OSBPL9: variants seen among roughly 807,000 people sequenced by gnomAD.
OSBPL9 encodes oxysterol binding protein like 9.
A neutral mutation model predicts 106.6 loss-of-function variants in OSBPL9; 40 were observed. The ratio of observed to expected loss-of-function variants is 0.38; its 90% confidence interval spans 0.29 to 0.49. OSBPL9 has a LOEUF of 0.49. OSBPL9 is among the 20% of genes least tolerant of loss of function. The pLI is 0.97. For missense variants in OSBPL9, 609 were observed against 887.2 expected (o/e 0.69, Z 3.98); for synonymous variants, 269 against 295.4 (o/e 0.91, Z 0.92).
intron 17 of OSBPL9, 49 bp downstream of exon 17, chr1:51,782,692 C>CT: frequency 6.5e-7 from 1 of 1,541,368 alleles, no homozygotes; most frequent in Non-Finnish European, 8.9e-7. Flanking sequence ...ACTATTCTGT[C>CT]TAAAGAGGGT....
At chr1:51,740,336 A>C (rs1020304397) in intron 4 of OSBPL9, 68 of 1,177,274 alleles carry the variant, frequency 5.8e-5, no homozygotes, top group Non-Finnish European at 7.4e-5. Flanking sequence ...TATTTTAATC[A>C]AAATTACATT....
chr1:51,729,437 G>A lies in OSBPL9; in HGVS notation c.318+15358G>A, dbSNP rs1663766499. 1 of 152,382 alleles carries A rather than the reference G, an allele frequency of 6.6e-6. No homozygotes were observed. Among genetic ancestry groups the A allele is most frequent in the African/African-American group, 2.4e-5 (1 of 41,444 alleles). 9.4% of individuals were successfully genotyped at this position (152,382 alleles called of 1,614,324 possible). A position where few individuals can be genotyped will look rare whatever the true frequency, so the allele number is the denominator to read the frequency against. ...AGCCGCTACCCAGTGGGAATCCGCG[G>A]GGCTGAAGCCCCGAAACCAGGCTGA... On this transcript the variant is annotated intron_variant, in intron 4 of 23. Coordinates refer to ENST00000428468, the MANE Select transcript of OSBPL9 (RefSeq NM_024586.6). This position sits in a 1 kb window ranked among gnomAD's most constrained non-coding sequence, Gnocchi z 5.1.
At chr1:51,704,735 G>T (rs1464078731) in intron 3 of OSBPL9, among the ~76,000 whole-genome samples, 1 of 151,998 alleles carries the variant, frequency 6.6e-6, no homozygotes, top group Non-Finnish European at 1.5e-5. Flanking sequence ...CATTAAAGAG[G>T]GTTCTACCTT....
chr1:51,707,352 T>G (rs1173723769), intron 3 of OSBPL9: 3 of 180,840 alleles, frequency 1.7e-5, no homozygotes, highest in Non-Finnish European at 1.2e-5. Context: ...GGCCCTCTGG[T>G]GCCTGCTTCA....
intron 3 of OSBPL9, among the ~76,000 whole-genome samples, chr1:51,702,081 T>A (rs1200086542): frequency 6.6e-6 from 1 of 152,244 alleles, no homozygotes; most frequent in Non-Finnish European, 1.5e-5. Flanking sequence ...AAGTCTTTGC[T>A]ATTGTGAATA....
rs142671046 is a variant in OSBPL9, at chr1:51,760,716, A to G, written c.609A>G (p.Ile203Met). 84 of 1,613,762 alleles carry G rather than the reference A, an allele frequency of 5.2e-5. No individual in the cohort carries two copies. Among genetic ancestry groups the G allele is most frequent in the Non-Finnish European group, 6.3e-5 (74 of 1,179,854 alleles). The change falls in exon 10 of 24, where the codon ATA (isoleucine) becomes ATG (methionine). Residue 203 changes from isoleucine to methionine, a missense_variant. Transcript: ENST00000428468. ...GTACTATTAATCCCGTAGATGCAAT[A>G]TATCAACCTAGTCCTTTGGAACCTG... ...MISTINPVDA[I>M]YQPSPLEPVI...
intron 1 of OSBPL9, among the ~76,000 whole-genome samples, chr1:51,592,781 T>G (rs917118582): frequency 6.6e-6 from 1 of 152,184 alleles, no homozygotes. Flanking sequence ...AAATATTTAT[T>G]GATAATACCC....
the OSBPL9 span, chr1:51,565,586 AAAT>A: frequency 1.3e-5 from 2 of 152,248 alleles, no homozygotes; most frequent in Admixed American, 6.5e-5. Flanking sequence ...GTAAGTATTA[AAAT>A]AATACCTGTT....
intron 2 of OSBPL9, among the ~76,000 whole-genome samples, chr1:51,664,429 G>A (rs530151807): frequency 6.6e-6 from 1 of 152,280 alleles, no homozygotes; most frequent in Admixed American, 6.5e-5. Flanking sequence ...GATGACTCCT[G>A]CCTGTAATCC....
At chr1:51,554,328 A>ATATACAACAATTCTTGTATAGAG in the OSBPL9 span, among the ~76,000 whole-genome samples, 1 of 152,320 alleles carries the variant, frequency 6.6e-6, no homozygotes, top group East Asian at 1.9e-4. Context: ...ACAATTCTAC[A>ATATACAACAATTCTTGTATAGAG]TCCTATACAA....
chr1:51,712,410 G>GGGGAGAGGGAGA (rs375563911), intron 3 of OSBPL9, among the ~76,000 whole-genome samples: 8 of 151,952 alleles, frequency 5.3e-5, no homozygotes, highest in African/African-American at 1.7e-4. Flanking sequence ...GGGAGACCGT[G>GGGGAGAGGGAGA]GGGAGAGGGA....
At chr1:51,758,782 T>C (rs1670902063) in intron 9 of OSBPL9, among the ~76,000 whole-genome samples, 1 of 152,176 alleles carries the variant, frequency 6.6e-6, no homozygotes, top group Admixed American at 6.5e-5. Flanking sequence ...AAAGCGTTAA[T>C]GGTGGAATTT....
At chr1:51,690,918 G>A (rs1199398175) in intron 3 of OSBPL9, among the ~76,000 whole-genome samples, 1 of 152,188 alleles carries the variant, frequency 6.6e-6, no homozygotes, top group Non-Finnish European at 1.5e-5. Context: ...AGCTACATGA[G>A]ATAGCCTATT....
intron 1 of OSBPL9, among the ~76,000 whole-genome samples, chr1:51,631,351 G>C (rs993598186): frequency 2.0e-5 from 3 of 152,000 alleles, no homozygotes; most frequent in Admixed American, 1.3e-4. Flanking sequence ...GACCATCCTG[G>C]GCAACATAGT....
At chr1:51,724,903 G>T (rs1222592755) in intron 4 of OSBPL9, 2 of 196,432 alleles carry the variant, frequency 1.0e-5, no homozygotes, top group African/African-American at 2.4e-5. Flanking sequence ...GCACAGGAAA[G>T]GGTGTCTATG....
upstream of OSBPL9, among the ~76,000 whole-genome samples, chr1:51,576,522 TGG>T (rs1390061135): frequency 4.1e-4 from 61 of 149,040 alleles, no homozygotes; most frequent in African/African-American, 1.4e-3. Context: ...AGGGTTTTTT[TGG>T]GTTTTTTTGT....
chr1:51,596,122 G>A (rs1645298120), intron 1 of OSBPL9, among the ~76,000 whole-genome samples: 1 of 151,772 alleles, frequency 6.6e-6, no homozygotes, highest in Admixed American at 6.6e-5. Flanking sequence ...GCCGGGCATG[G>A]TGGCGGGCGA....
intron 2 of OSBPL9, among the ~76,000 whole-genome samples, chr1:51,603,028 C>T (rs1210556719): frequency 6.6e-6 from 1 of 152,026 alleles, no homozygotes; most frequent in Non-Finnish European, 1.5e-5. Context: ...TGATGGCGTG[C>T]ACCTGTAGTC....
upstream of OSBPL9, among the ~76,000 whole-genome samples, chr1:51,614,985 C>T (rs1409666221): frequency 2.6e-5 from 4 of 152,178 alleles, no homozygotes; most frequent in Admixed American, 2.0e-4. Flanking sequence ...CTCCGCCCAG[C>T]GCAATGGCTC....
Sources: gnomAD v4.1 joint callset for allele counts (sites outside exome capture counted in the v4.1 genomes callset) on GRCh38, gnomAD v4.1.1 for gene constraint, Gnocchi (gnomAD v3.1) non-coding constraint, MANE v1.5 for transcripts, NCBI Gene and HGNC (gene_info 2026-07-23, HGNC 2026-07-21) for gene names.